Variants in HEATR5A observed in about 807,000 individuals in gnomAD.
HEATR5A encodes the protein HEAT repeat-containing protein 5A.
HEATR5A carries 178 observed loss-of-function variants against 218.8 expected under a neutral mutation model. That is an observed-to-expected ratio of 0.81 (90% CI 0.72 to 0.92). The LOEUF is 0.92. Ranked by LOEUF, HEATR5A falls within the 40% of genes least tolerant of loss-of-function variation. HEATR5A has a pLI of 0.00. For missense variants in HEATR5A, 2,420 were observed against 2,418.9 expected (o/e 1.00, Z -0.01); for synonymous variants, 864 against 871.6 (o/e 0.99, Z 0.15).
intron 23 of HEATR5A, among the ~76,000 whole-genome samples, chr14:31,324,508 C>A (rs1247774386): frequency 1.3e-5 from 2 of 152,024 alleles, no homozygotes; most frequent in African/African-American, 4.8e-5. Context: ...AAGTTATGGT[C>A]AAGTTAACAG....
At chr14:31,302,665 G>A in intron 32 of HEATR5A, 146 bp from the exon 33 acceptor site, 1 of 602,832 alleles carries the variant, frequency 1.7e-6, no homozygotes, top group South Asian at 2.3e-5. Context: ...TTAAGATAAT[G>A]TAAGTAGCTT....
In HEATR5A at chr14:31,402,894, C is replaced by T; in HGVS notation, c.82G>A (p.Glu28Lys). The change falls in exon 2 of 36, where the codon GAG (glutamate) becomes AAG (lysine). Residue 28 changes from glutamate to lysine, a missense_variant. Coordinates refer to ENST00000543095, the MANE Select transcript of HEATR5A (RefSeq NM_015473.4). ...GEVQKAEFIF[E>K]WLRYLEKLLL... ...AGCTTCTCCAAGTATCTCAACCACT[C>T]AAAAATAAACTCTGCCTTCTGAACT... The T allele has an allele frequency of 1.3e-6, 2 of 1,536,546 alleles. No homozygotes were observed. The highest frequency in any genetic ancestry group is 1.7e-6 in the Non-Finnish European group (2 of 1,146,956).
chr14:31,300,208 T>C (rs1034030124), intron 33 of HEATR5A, among the ~76,000 whole-genome samples: 4 of 152,152 alleles, frequency 2.6e-5, no homozygotes, highest in East Asian at 3.9e-4. Context: ...CACCCCCTCA[T>C]TGTTCTACTT....
chr14:31,313,483 C>A (rs185481414), intron 27 of HEATR5A, among the ~76,000 whole-genome samples: 1 of 152,280 alleles, frequency 6.6e-6, no homozygotes, highest in East Asian at 1.9e-4. Context: ...TCTCACTAAG[C>A]CTGGTATGGC....
At position 31,383,550 on chromosome 14, in the gene HEATR5A, G is replaced by A. The variant is rs1405939595; in HGVS notation, c.1567C>T (p.Pro523Ser). 2 of 1,613,594 alleles carry A rather than the reference G, an allele frequency of 1.2e-6. No homozygotes were observed. The highest frequency in any genetic ancestry group is 2.2e-5 in the South Asian group (2 of 91,066). Reference protein sequence around the residue: ...AALLGAVKHCPLGIPHGKGKI... With the variant: ...AALLGAVKHCSLGIPHGKGKI... ...CCTTTTCCATGAGGAATTCCTAAAG[G>A]ACAATGTTTTACTGCTCCCAACAAA... is the stretch of plus-strand genomic sequence containing the variant. Residue 523 changes from proline to serine, a missense_variant, in exon 10 of 36, where the codon CCT (proline) becomes TCT (serine). Transcript: ENST00000543095.
intron 6 of HEATR5A, among the ~76,000 whole-genome samples, chr14:31,391,532 TTTA>T (rs1341408548): frequency 6.6e-6 from 1 of 150,766 alleles, no homozygotes; most frequent in Non-Finnish European, 1.5e-5. Context: ...CAAAGGCTAA[TTTA>T]TTATTAAAGA....
intron 1 of HEATR5A, among the ~76,000 whole-genome samples, chr14:31,412,627 C>T (rs1048530220): frequency 2.6e-5 from 4 of 152,004 alleles, no homozygotes; most frequent in African/African-American, 7.3e-5. Flanking sequence ...CAGTGGCTCA[C>T]GCCTGTTAAT....
intron 26 of HEATR5A, among the ~76,000 whole-genome samples, chr14:31,317,134 T>C (rs1178755188): frequency 6.6e-6 from 1 of 152,142 alleles, no homozygotes; most frequent in Non-Finnish European, 1.5e-5. Flanking sequence ...ATACATTTAA[T>C]GTAGTTCTCT....
rs551522824 is a variant in HEATR5A, at chr14:31,363,108, G to T, written c.2071+1081C>A. On this transcript the variant is annotated intron_variant, in intron 14 of 35. Transcript: ENST00000543095. The stretch of plus-strand genomic sequence containing the variant: ...AAAAAAATTAGCCAGGCATGGTAGC[G>T]CATGCCTGTAGTTCCAGCTACTCCG... Among the ~76,000 whole-genome samples, 3 of 151,828 alleles carry T rather than the reference G, an allele frequency of 2.0e-5. 1 individual carries two copies. Among genetic ancestry groups the T allele is most frequent in the African/African-American group, 4.8e-5 (2 of 41,286 alleles).
At chr14:31,300,084 G>A (rs1439340034) in intron 33 of HEATR5A, among the ~76,000 whole-genome samples, 3 of 151,840 alleles carry the variant, frequency 2.0e-5, no homozygotes. Context: ...CCTATTAAAG[G>A]CAGTCCAAAT....
At chr14:31,309,763 G>A (rs1235853646) in intron 28 of HEATR5A, among the ~76,000 whole-genome samples, 6 of 151,322 alleles carry the variant, frequency 4.0e-5, no homozygotes, top group African/African-American at 9.7e-5. Flanking sequence ...CTGCAGTGGC[G>A]TGATGTCGGC....
intron 26 of HEATR5A, 75 bp downstream of exon 26, chr14:31,318,149 A>C: frequency 7.9e-7 from 1 of 1,259,348 alleles, no homozygotes. Flanking sequence ...TAAAGAAAAA[A>C]CATTGGTAAA....
At chr14:31,407,600 A>ATATATT (rs2031122530) in intron 1 of HEATR5A, among the ~76,000 whole-genome samples, 1 of 852 alleles carries the variant, frequency 1.2e-3, no homozygotes, top group African/African-American at 2.5e-3. Context: ...ATATATATAT[A>ATATATT]TATATATATA....
intron 22 of HEATR5A, among the ~76,000 whole-genome samples, chr14:31,333,122 G>T (rs1900531764): frequency 6.6e-6 from 1 of 152,142 alleles, no homozygotes; most frequent in South Asian, 2.1e-4. Context: ...GCAGAGGTTG[G>T]TTCATGGGGT....
Position 31,309,006 on chromosome 14 carries a change from G to C in HEATR5A, c.4618C>G (p.Gln1540Glu). 2 of 1,613,846 alleles carry C rather than the reference G, an allele frequency of 1.2e-6. No homozygotes were observed. Among genetic ancestry groups the C allele is most frequent in the African/African-American group, 2.7e-5 (2 of 75,022 alleles). ...SRPVTPTSMC[Q>E]GSSSGATIKS... Reference sequence around the variant, plus strand: ...ATGGTAGCCCCAGATGATGAACCCTGACACATGGAAGTTGGTGTTACAGGC... The same window carrying C: ...ATGGTAGCCCCAGATGATGAACCCTCACACATGGAAGTTGGTGTTACAGGC... The change falls in exon 29 of 36, where the codon CAG becomes GAG. Residue 1540 changes from glutamine (Q) to glutamate (E), a missense_variant. Gln to Glu is a conservative substitution (Grantham distance 29, BLOSUM62 2). Transcript: ENST00000543095.
rs1004635879 is a variant in HEATR5A, at chr14:31,368,011, G to A, written c.1962-3713C>T. ...AAAACGAAACTGAATCCTGCTATGGGGTCTGAATGTGTCCTCCAAAATTCA... is the reference window on the plus strand; with the variant it reads ...AAAACGAAACTGAATCCTGCTATGGAGTCTGAATGTGTCCTCCAAAATTCA... On this transcript the variant is annotated intron_variant, in intron 13 of 35. Transcript: ENST00000543095. 3.3e-5 allele frequency among the ~76,000 whole-genome samples: 5 copies of A among 151,962 alleles called. 1 individual carries two copies. The highest frequency in any genetic ancestry group is 7.4e-5 in the Non-Finnish European group (5 of 67,992).
intron 21 of HEATR5A, among the ~76,000 whole-genome samples, chr14:31,343,025 A>G (rs1215438510): frequency 6.6e-6 from 1 of 152,176 alleles, no homozygotes. Context: ...GTGCCAATTT[A>G]TAATTCCAAA....
intron 2 of HEATR5A, among the ~76,000 whole-genome samples, chr14:31,402,362 T>C (rs1418798616): frequency 2.6e-5 from 4 of 152,178 alleles, no homozygotes; most frequent in Admixed American, 6.5e-5. Context: ...TGAATGTAGG[T>C]GAAGGGTATG....
At chr14:31,305,792 G>A (rs1899538547) in intron 31 of HEATR5A, among the ~76,000 whole-genome samples, 1 of 152,156 alleles carries the variant, frequency 6.6e-6, no homozygotes, top group Non-Finnish European at 1.5e-5. Context: ...ACGTATCGAT[G>A]GTGGCTGGAC....
Sources: gnomAD v4.1 joint callset for allele counts (sites outside exome capture counted in the v4.1 genomes callset) on GRCh38, gnomAD v4.1.1 for gene constraint, MANE v1.5 for transcripts, NCBI Gene and HGNC (gene_info 2026-07-23, HGNC 2026-07-21) for gene names.